The following BCAS3 variants were observed in gnomAD, a reference collection of about 807,000 sequenced individuals.
BCAS3 encodes BCAS4/BCAS3 fusion.
BCAS3 carries 53 observed loss-of-function variants against 116.1 expected under a neutral mutation model. That is an observed-to-expected ratio of 0.46 (90% confidence interval 0.37 to 0.57). BCAS3 has a LOEUF of 0.57. Among genes scored for constraint, BCAS3 ranks in the 20% least tolerant of loss-of-function variants. BCAS3 has a pLI of 0.00. For synonymous variants in BCAS3, 391 were observed against 408.2 expected (o/e 0.96, Z 0.51); for missense variants, 917 against 1,165.4 (o/e 0.79, Z 3.10).
At chr17:60,715,132 C>CTTTTTT (rs200488032) in intron 5 of BCAS3, among the ~76,000 whole-genome samples, 58 of 125,304 alleles carry the variant, frequency 4.6e-4, no homozygotes, top group East Asian at 8.5e-4. Context: ...CTTTCTCTTT[C>CTTTTTT]TTTTTTTTTT....
rs2060074052 is a variant in BCAS3, at chr17:61,390,393, TC to T, written c.2594-1581del. The stretch of plus-strand genomic sequence containing the variant: ...TCCATATCCAGATAGCTCTTGACTT[TC>T]CCAGGCAGCCAATGTCCCCTGGAGG... On this transcript the variant is annotated intron_variant, in intron 23 of 23. Coordinates refer to ENST00000407086, the MANE Select transcript of BCAS3 (RefSeq NM_017679.5). The surrounding 1 kb of genome is among the most constrained non-coding windows in gnomAD (Gnocchi z 6.8). 6.6e-6 allele frequency: 1 copy of T among 152,208 alleles called. No individual in the cohort carries two copies. The highest frequency in any genetic ancestry group is 6.5e-5 in the Admixed American group (1 of 15,278). 9.4% of individuals were successfully genotyped at this position (152,208 alleles called of 1,614,324 possible).
At chr17:61,275,540 C>T (rs1166781024) in intron 22 of BCAS3, among the ~76,000 whole-genome samples, 1 of 152,084 alleles carries the variant, frequency 6.6e-6, no homozygotes, top group African/African-American at 2.4e-5. Flanking sequence ...CTCACCTTGT[C>T]GCCCAGGCTG....
At chr17:60,845,309 A>T (rs1190862592) in intron 7 of BCAS3, among the ~76,000 whole-genome samples, 1 of 152,238 alleles carries the variant, frequency 6.6e-6, no homozygotes, top group Non-Finnish European at 1.5e-5. Context: ...GCTTAGATAA[A>T]AGTTTGAACT....
intron 22 of BCAS3, among the ~76,000 whole-genome samples, chr17:61,322,955 G>T (rs1410430983): frequency 1.3e-5 from 2 of 152,080 alleles, no homozygotes; most frequent in East Asian, 3.9e-4. Context: ...CTGGGGTGAG[G>T]ACTTTATATC....
intron 22 of BCAS3, among the ~76,000 whole-genome samples, chr17:61,129,139 C>T (rs561438232): frequency 2.9e-4 from 44 of 152,282 alleles, no homozygotes; most frequent in African/African-American, 1.0e-3. Context: ...TAGCACTAGG[C>T]TAGCCACCTG....
intron 22 of BCAS3, among the ~76,000 whole-genome samples, chr17:61,193,252 A>G (rs1568547449): frequency 6.6e-6 from 1 of 152,106 alleles, no homozygotes; most frequent in Non-Finnish European, 1.5e-5. Flanking sequence ...ACAGAGGGAG[A>G]CTCTGTTTCA....
chr17:61,208,157 G>A lies in BCAS3; in HGVS notation c.2425+123593G>A, dbSNP rs145194074. 5.8e-4 allele frequency among the ~76,000 whole-genome samples: 89 copies of A among 152,142 alleles called. 1 individual carries two copies. The highest frequency in any genetic ancestry group is 6.8e-3 in the Middle Eastern group (2 of 294). ...GTATTTCAAATCTAAATTCAGGATG[G>A]GAAGGTTTCATGAACTTTCCAGAGA... On this transcript the variant is annotated intron_variant, in intron 22 of 23. Coordinates refer to ENST00000407086, the MANE Select transcript of BCAS3 (RefSeq NM_017679.5). The surrounding 1 kb of genome is among the most constrained non-coding windows in gnomAD (Gnocchi z 4.5).
chr17:60,874,529 G>C (rs1414947034), intron 8 of BCAS3, 133 bp from the exon 9 acceptor site: 2 of 564,394 alleles, frequency 3.5e-6, no homozygotes, highest in Non-Finnish European at 6.0e-6. Flanking sequence ...AATATTATAG[G>C]AAATGTTTAA....
intron 19 of BCAS3, among the ~76,000 whole-genome samples, chr17:61,053,039 G>A (rs886870040): frequency 2.0e-5 from 3 of 152,026 alleles, no homozygotes; most frequent in African/African-American, 4.8e-5. Flanking sequence ...CTTCTGAATA[G>A]CTGGGCTGTC....
chr17:61,112,885 ATC>A (rs1184638374), intron 22 of BCAS3, among the ~76,000 whole-genome samples: 5 of 151,360 alleles, frequency 3.3e-5, no homozygotes, highest in African/African-American at 1.2e-4. Context: ...ATAGCAAACT[ATC>A]TCTCAGACCA....
At chr17:60,721,106 G>T (rs1386323838) in intron 5 of BCAS3, among the ~76,000 whole-genome samples, 2 of 152,000 alleles carry the variant, frequency 1.3e-5, no homozygotes, top group East Asian at 1.9e-4. Flanking sequence ...TTAGAGGTTG[G>T]GTGCCAATAG....
At chr17:60,998,487 T>C (rs1490482998) in intron 15 of BCAS3, among the ~76,000 whole-genome samples, 2 of 152,242 alleles carry the variant, frequency 1.3e-5, no homozygotes, top group African/African-American at 4.8e-5. Flanking sequence ...TATTCTATTT[T>C]CTCTGCAGCC....
chr17:61,028,855 A>G lies in BCAS3; in HGVS notation c.1638-5811A>G, dbSNP rs1196705907. 6.6e-6 allele frequency among the ~76,000 whole-genome samples: 1 copy of G among 151,922 alleles called. No homozygotes were observed. Among genetic ancestry groups the G allele is most frequent in the Non-Finnish European group, 1.5e-5 (1 of 67,818 alleles). ...CGTTTTTAGTCACTTATACTAGACT[A>G]AAAGGTTCTCCTTTAAAATGTTACT... On this transcript the variant is annotated intron_variant, in intron 16 of 23. Coordinates refer to ENST00000407086, the MANE Select transcript of BCAS3 (RefSeq NM_017679.5). This position sits in a 1 kb window ranked among gnomAD's most constrained non-coding sequence, Gnocchi z 4.3.
rs1274572748 is a variant in BCAS3 at position 61,029,674 on chromosome 17, T to C, written c.1638-4992T>C. Among the ~76,000 whole-genome samples the C allele has an allele frequency of 6.6e-6, 1 of 151,942 alleles. No individual in the cohort carries two copies. The highest frequency in any genetic ancestry group is 2.4e-5 in the African/African-American group (1 of 41,412). ...AAAAACATACATGACAGGTAGACAA[T>C]GGGTAGTCCATATAAGTATATTTCT... On this transcript the variant is annotated intron_variant, in intron 16 of 23. Coordinates refer to ENST00000407086, the MANE Select transcript of BCAS3 (RefSeq NM_017679.5). This position sits in a 1 kb window ranked among gnomAD's most constrained non-coding sequence, Gnocchi z 5.2.
chr17:60,707,705 TAAA>T (rs758719475), intron 4 of BCAS3, among the ~76,000 whole-genome samples: 1 of 151,912 alleles, frequency 6.6e-6, no homozygotes, highest in Non-Finnish European at 1.5e-5. Flanking sequence ...TTTTTAAAAA[TAAA>T]ATAACTATTG....
chr17:60,954,648 C>A (rs1335028025), intron 14 of BCAS3, among the ~76,000 whole-genome samples: 4 of 152,084 alleles, frequency 2.6e-5, no homozygotes, highest in African/African-American at 9.7e-5. Flanking sequence ...TCTAATGTTC[C>A]CATCAGGCAA....
intron 22 of BCAS3, among the ~76,000 whole-genome samples, chr17:61,268,921 T>C (rs1157286192): frequency 6.6e-6 from 1 of 152,140 alleles, no homozygotes; most frequent in Admixed American, 6.6e-5. Flanking sequence ...GTCATCCATG[T>C]TGTAGCATAT....
intron 7 of BCAS3, among the ~76,000 whole-genome samples, chr17:60,823,526 C>T (rs528306825): frequency 2.0e-5 from 3 of 151,936 alleles, no homozygotes; most frequent in Non-Finnish European, 4.4e-5. Context: ...ATTGTACCAC[C>T]GCGATCTAGC....
Position 61,315,418 on chromosome 17 carries a change from C to T in BCAS3, c.2426-52909C>T, listed in dbSNP as rs2054645496. Reference sequence around the variant, plus strand: ...ACAGGTGTGAGCCACCGCGCCCAGCCAACGCACTCCTGTTCTGAGACACGG... The same window carrying T: ...ACAGGTGTGAGCCACCGCGCCCAGCTAACGCACTCCTGTTCTGAGACACGG... On this transcript the variant is annotated intron_variant, in intron 22 of 23. Coordinates refer to ENST00000407086, the MANE Select transcript of BCAS3 (RefSeq NM_017679.5). This position sits in a 1 kb window ranked among gnomAD's most constrained non-coding sequence, Gnocchi z 5.3. 6.6e-6 allele frequency among the ~76,000 whole-genome samples: 1 copy of T among 152,160 alleles called. No individual in the cohort carries two copies. The highest frequency in any genetic ancestry group is 2.4e-5 in the African/African-American group (1 of 41,448).
Sources: gnomAD v4.1 joint callset for allele counts (sites outside exome capture counted in the v4.1 genomes callset) on GRCh38, gnomAD v4.1.1 for gene constraint, Gnocchi (gnomAD v3.1) non-coding constraint, MANE v1.5 for transcripts, NCBI Gene and HGNC (gene_info 2026-07-23, HGNC 2026-07-21) for gene names.